NFATC3: variants seen among roughly 807,000 people sequenced by gnomAD.
NFATC3 encodes nuclear factor of activated T-cells, cytoplasmic 3.
Under a neutral mutation model 98.6 loss-of-function variants are expected in NFATC3, and 46 were observed. The observed-to-expected ratio is 0.47, with a 90% CI of 0.37 to 0.60. NFATC3 has a LOEUF of 0.60. NFATC3 is among the 20% of genes least tolerant of loss of function. The probability of loss-of-function intolerance (pLI) is 0.00; values close to 1 mark genes in which losing one functional copy is unlikely to be tolerated. For synonymous variants in NFATC3, 512 were observed against 472.2 expected (o/e 1.08, Z -1.09); for missense variants, 1,256 against 1,295.5 (o/e 0.97, Z 0.47).
chr16:68,118,069 CTTAA>C (rs2036381704), intron 1 of NFATC3, among the ~76,000 whole-genome samples: 1 of 152,180 alleles, frequency 6.6e-6, no homozygotes, highest in Admixed American at 6.5e-5. Context: ...TTGGGCGTTT[CTTAA>C]AGAAACCAAG....
chr16:68,158,414 A>T (rs2038720695), intron 4 of NFATC3, among the ~76,000 whole-genome samples: 1 of 152,174 alleles, frequency 6.6e-6, no homozygotes, highest in Non-Finnish European at 1.5e-5. Flanking sequence ...CCTTAAGGAA[A>T]ACTTTTGACT....
intron 4 of NFATC3, among the ~76,000 whole-genome samples, chr16:68,163,487 CG>C: frequency 7.0e-6 from 1 of 142,742 alleles, no homozygotes; most frequent in Non-Finnish European, 1.5e-5. Flanking sequence ...GCTGGCTGGG[CG>C]GGGGGCTGAC....
chr16:68,144,582 C>T (rs1382664480), intron 3 of NFATC3, among the ~76,000 whole-genome samples: 5 of 152,086 alleles, frequency 3.3e-5, no homozygotes, highest in African/African-American at 1.2e-4. Context: ...TGAGCTCAAG[C>T]GATCCATCCA....
At chr16:68,166,091 A>G (rs2039179712) in intron 4 of NFATC3, among the ~76,000 whole-genome samples, 1 of 152,244 alleles carries the variant, frequency 6.6e-6, no homozygotes, top group Admixed American at 6.5e-5. Context: ...CATCACTATA[A>G]AAGTCTAAAT....
intron 3 of NFATC3, among the ~76,000 whole-genome samples, chr16:68,137,291 C>CT (rs1475241325): frequency 2.6e-5 from 4 of 151,910 alleles, no homozygotes; most frequent in Non-Finnish European, 1.5e-5. Context: ...ACTTTTAAAA[C>CT]TTTTTTGTTT....
At chr16:68,177,800 C>A (rs1020117728) in intron 6 of NFATC3, among the ~76,000 whole-genome samples, 2 of 152,090 alleles carry the variant, frequency 1.3e-5, no homozygotes, top group Non-Finnish European at 2.9e-5. Context: ...CTGTCATCCT[C>A]TTAAGCTTTT....
chr16:68,164,753 G>A (rs1450894967), intron 4 of NFATC3, among the ~76,000 whole-genome samples: 5 of 151,948 alleles, frequency 3.3e-5, no homozygotes, highest in South Asian at 2.1e-4. Flanking sequence ...GGTGGTGCAC[G>A]CCTGTAATCC....
At chr16:68,101,724 C>T (rs187674952) in intron 1 of NFATC3, among the ~76,000 whole-genome samples, 1 of 152,132 alleles carries the variant, frequency 6.6e-6, no homozygotes, top group East Asian at 1.9e-4. Flanking sequence ...ACCTCATGAT[C>T]CGCCCGCCTC....
chr16:68,220,542 G>GA (rs1374711710), intron 9 of NFATC3, among the ~76,000 whole-genome samples: 1 of 149,052 alleles, frequency 6.7e-6, no homozygotes, highest in Non-Finnish European at 1.5e-5. Flanking sequence ...TTAAATTGGT[G>GA]AAAAAAATAG....
rs533623219 is a variant in NFATC3 at position 68,191,395 on chromosome 16, A to G, written c.2726A>G (p.Gln909Arg). The change falls in exon 9 of 10, where the codon CAG (glutamine) becomes CGG (arginine). Residue 909 changes from glutamine (Q) to arginine (R), a missense_variant. Around this residue, in one of 3 missense-constraint regions of NFATC3, gnomAD observed 636 missense variants for 617.3 expected, o/e 1.03. Transcript: ENST00000346183. Reference protein sequence around the residue: ...ADQITGQPSSQLQPITYGPSH... With the variant: ...ADQITGQPSSRLQPITYGPSH... ...CAGATTACAGGTCAGCCTTCGTCTC[A>G]GTTACAACCTATTACATATGGTCCT... The G allele has an allele frequency of 6.2e-7, 1 of 1,614,112 alleles. No individual in the cohort carries two copies. The highest frequency in any genetic ancestry group is 1.1e-5 in the South Asian group (1 of 91,084).
intron 1 of NFATC3, among the ~76,000 whole-genome samples, chr16:68,120,731 T>TCAAACAAACAAA (rs57145448): frequency 3.8e-4 from 58 of 151,062 alleles, no homozygotes; most frequent in East Asian, 2.3e-3. Flanking sequence ...AGACTCCATC[T>TCAAACAAACAAA]CAAACAAACA....
chr16:68,170,314 C>T (rs2039398024), intron 5 of NFATC3, among the ~76,000 whole-genome samples: 1 of 146,894 alleles, frequency 6.8e-6, no homozygotes, highest in Admixed American at 6.9e-5. Context: ...TCACTTGAAC[C>T]TGGGAGGCTG....
chr16:68,119,056 A>G (rs554531195), intron 1 of NFATC3, among the ~76,000 whole-genome samples: 1 of 152,136 alleles, frequency 6.6e-6, no homozygotes, highest in Admixed American at 6.5e-5. Context: ...TTCAGTAGAG[A>G]TGGGGTTTCA....
chr16:68,210,515 G>A (rs1158995256), intron 9 of NFATC3, among the ~76,000 whole-genome samples: 1 of 151,904 alleles, frequency 6.6e-6, no homozygotes, highest in African/African-American at 2.4e-5. Context: ...TGCATCTATC[G>A]AGATGATCAT....
chr16:68,147,076 T>C (rs1403263842), intron 3 of NFATC3, among the ~76,000 whole-genome samples: 1 of 152,210 alleles, frequency 6.6e-6, no homozygotes, highest in East Asian at 1.9e-4. Flanking sequence ...TTATGAAATA[T>C]ATTCCCTTTG....
At chr16:68,220,431 A>C (rs1469455809) in intron 9 of NFATC3, among the ~76,000 whole-genome samples, 1 of 152,154 alleles carries the variant, frequency 6.6e-6, no homozygotes, top group African/African-American at 2.4e-5. Flanking sequence ...ACTGCACTCT[A>C]GCCTGGGTGA....
intron 9 of NFATC3, among the ~76,000 whole-genome samples, chr16:68,197,287 A>G (rs1430418012): frequency 6.6e-6 from 1 of 151,780 alleles, no homozygotes; most frequent in Non-Finnish European, 1.5e-5. Context: ...ACTTTATTTC[A>G]TTTTATTATT....
In NFATC3 at chr16:68,097,239, T is replaced by C. The variant is rs142193819; in HGVS notation, c.103+11455T>C. 9.7e-4 allele frequency among the ~76,000 whole-genome samples: 148 copies of C among 152,346 alleles called. No homozygotes were observed. In the East Asian group the frequency reaches 0.024, roughly 25 times the overall value. ...ATAAAATGTGCTATTACAAAATGTC[T>C]GTGGAAATAGTGGTGAACAAGACAT... On this transcript the variant is annotated intron_variant, in intron 1 of 9. Coordinates refer to ENST00000346183, the MANE Select transcript of NFATC3 (RefSeq NM_173165.3).
At chr16:68,213,283 C>T (rs1200724915) in intron 9 of NFATC3, among the ~76,000 whole-genome samples, 12 of 150,966 alleles carry the variant, frequency 7.9e-5, no homozygotes, top group African/African-American at 2.2e-4. Flanking sequence ...GGCGTGGTGG[C>T]GGGCACCTGT....
Sources: allele counts gnomAD v4.1 joint callset (sites outside exome capture counted in the v4.1 genomes callset), GRCh38; gene constraint gnomAD v4.1.1; regional missense constraint gnomAD v4.1.1; transcripts MANE v1.5; gene names NCBI Gene and HGNC (gene_info 2026-07-23, HGNC 2026-07-21).